CTNNA3: variants seen among roughly 807,000 people sequenced by gnomAD.
CTNNA3 encodes catenin alpha 3, also known as catenin alpha-3.
In CTNNA3, 76 loss-of-function variants were observed where a neutral mutation model predicts 95.7. The ratio of observed to expected loss-of-function variants is 0.79; its 90% confidence interval spans 0.66 to 0.96. The LOEUF (loss-of-function observed/expected upper bound fraction) is 0.96, where lower values mean the gene tolerates loss of function less well. Ranked by LOEUF, CTNNA3 falls within the 40% of genes least tolerant of loss-of-function variation. The probability of loss-of-function intolerance (pLI) is 0.00; values close to 1 mark genes in which losing one functional copy is unlikely to be tolerated. For synonymous variants in CTNNA3, 431 were observed against 374.4 expected (o/e 1.15, Z -1.74); for missense variants, 1,191 against 1,089.8 (o/e 1.09, Z -1.31).
chr10:66,845,295 A>G (rs1359661611), intron 7 of CTNNA3, among the ~76,000 whole-genome samples: 13 of 152,354 alleles, frequency 8.5e-5, no homozygotes, highest in African/African-American at 2.6e-4. Context: ...ACTAGTCATC[A>G]GGGAAATGCA....
At chr10:66,066,749 G>A (rs539095938) in intron 15 of CTNNA3, among the ~76,000 whole-genome samples, 1 of 152,114 alleles carries the variant, frequency 6.6e-6, no homozygotes, top group African/African-American at 2.4e-5. Flanking sequence ...AGAATACAAA[G>A]TAGAACTGAA....
intron 5 of CTNNA3, among the ~76,000 whole-genome samples, chr10:67,268,458 C>G (rs1339222142): frequency 6.6e-6 from 1 of 152,024 alleles, no homozygotes; most frequent in East Asian, 1.9e-4. Context: ...GAGTTCAAGG[C>G]TGCAGGGAGC....
At chr10:66,472,088 A>G (rs1294663294) in intron 11 of CTNNA3, among the ~76,000 whole-genome samples, 1 of 152,014 alleles carries the variant, frequency 6.6e-6, no homozygotes, top group Non-Finnish European at 1.5e-5. Context: ...TAATCTCTCA[A>G]TCACATGAGA....
intron 11 of CTNNA3, among the ~76,000 whole-genome samples, chr10:66,515,521 A>G (rs1451979076): frequency 6.6e-6 from 1 of 152,114 alleles, no homozygotes; most frequent in Non-Finnish European, 1.5e-5. Flanking sequence ...CTCTGAATAC[A>G]AAACAACATA....
intron 12 of CTNNA3, among the ~76,000 whole-genome samples, chr10:66,321,482 T>A (rs1168267418): frequency 6.6e-6 from 1 of 152,120 alleles, no homozygotes; most frequent in Non-Finnish European, 1.5e-5. Context: ...GTGAAACTAA[T>A]AAAAAACTCT....
intron 7 of CTNNA3, among the ~76,000 whole-genome samples, chr10:66,924,773 T>C (rs1413583714): frequency 6.6e-6 from 1 of 152,222 alleles, no homozygotes; most frequent in Non-Finnish European, 1.5e-5. Flanking sequence ...CATACAGATA[T>C]TAAAATGACT....
At chr10:66,978,268 G>C (rs923766878) in intron 7 of CTNNA3, among the ~76,000 whole-genome samples, 3 of 152,008 alleles carry the variant, frequency 2.0e-5, no homozygotes, top group Admixed American at 2.0e-4. Context: ...GCTCACACCT[G>C]TAATCCCAGC....
chr10:66,050,338 T>TAAAAAAAAA (rs11382507), intron 15 of CTNNA3, among the ~76,000 whole-genome samples: 1 of 148,498 alleles, frequency 6.7e-6, no homozygotes. Context: ...CACATTTCAG[T>TAAAAAAAAA]AAAAAAAAAA....
At chr10:67,589,271 C>T (rs1229150476) in intron 3 of CTNNA3, among the ~76,000 whole-genome samples, 1 of 152,174 alleles carries the variant, frequency 6.6e-6, no homozygotes, top group Non-Finnish European at 1.5e-5. Flanking sequence ...ATTTATCAGA[C>T]ATTATTACAG....
chr10:67,460,669 C>T (rs1235949989), intron 5 of CTNNA3, among the ~76,000 whole-genome samples: 1 of 151,944 alleles, frequency 6.6e-6, no homozygotes, highest in East Asian at 1.9e-4. Flanking sequence ...TGCCAAGTGT[C>T]CTGAGACTCT....
At chr10:67,743,632 G>C (rs557546199) in intron 1 of CTNNA3, among the ~76,000 whole-genome samples, 1 of 151,376 alleles carries the variant, frequency 6.6e-6, no homozygotes, top group African/African-American at 2.4e-5. Flanking sequence ...ATTCAACATA[G>C]TGTTGAAAGT....
chr10:67,155,409 A>T (rs1378626732), intron 7 of CTNNA3, among the ~76,000 whole-genome samples: 6 of 152,206 alleles, frequency 3.9e-5, no homozygotes, highest in Admixed American at 3.3e-4. Flanking sequence ...TAAGTAAATT[A>T]TCTAGTACAG....
intron 7 of CTNNA3, among the ~76,000 whole-genome samples, chr10:67,094,582 C>T (rs1419502226): frequency 6.6e-6 from 1 of 151,714 alleles, no homozygotes; most frequent in African/African-American, 2.4e-5. Flanking sequence ...CCTCATATAT[C>T]ACACAGTTTC....
chr10:66,728,314 T>C (rs1400939018), intron 9 of CTNNA3, among the ~76,000 whole-genome samples: 1 of 152,222 alleles, frequency 6.6e-6, no homozygotes. Flanking sequence ...AAGTTCCCTG[T>C]ACACTCTGGA....
intron 12 of CTNNA3, among the ~76,000 whole-genome samples, chr10:66,344,189 T>G (rs2092480696): frequency 6.9e-6 from 1 of 145,332 alleles, no homozygotes. Flanking sequence ...ATCGCACCAT[T>G]GCACTCCAGC....
intron 15 of CTNNA3, among the ~76,000 whole-genome samples, chr10:66,019,611 T>C (rs2079160728): frequency 6.6e-6 from 1 of 152,046 alleles, no homozygotes; most frequent in Non-Finnish European, 1.5e-5. Flanking sequence ...TACTATAATA[T>C]ATTAAATGAT....
At chr10:67,689,536 G>C (rs949247918) in intron 1 of CTNNA3, among the ~76,000 whole-genome samples, 2 of 152,166 alleles carry the variant, frequency 1.3e-5, no homozygotes, top group Non-Finnish European at 2.9e-5. Context: ...TTGTCTGACA[G>C]GCATTAGGAC....
intron 11 of CTNNA3, among the ~76,000 whole-genome samples, chr10:66,499,118 G>T (rs541326971): frequency 6.6e-6 from 1 of 151,906 alleles, no homozygotes; most frequent in African/African-American, 2.4e-5. Context: ...CTGATGTTTT[G>T]CTTGTTTCCC....
chr10:66,096,810 C>T (rs894591452), intron 14 of CTNNA3, among the ~76,000 whole-genome samples: 1 of 152,118 alleles, frequency 6.6e-6, no homozygotes, highest in Admixed American at 6.6e-5. Flanking sequence ...AGGTGTGAGT[C>T]ACTGCGCCTG....
Sources: gnomAD v4.1 joint callset for allele counts (sites outside exome capture counted in the v4.1 genomes callset) on GRCh38, gnomAD v4.1.1 for gene constraint, MANE v1.5 for transcripts, NCBI Gene and HGNC (gene_info 2026-07-23, HGNC 2026-07-21) for gene names.